Variants in AKAP19 observed in about 807,000 individuals in gnomAD.
The protein encoded by AKAP19 is small A-kinase anchoring protein.
the AKAP19 span, among the ~76,000 whole-genome samples, chr2:190,029,518 T>C: frequency 6.6e-6 from 1 of 152,234 alleles, no homozygotes; most frequent in Non-Finnish European, 1.5e-5. Flanking sequence ...ATGTTAATGA[T>C]ACATTGTTGA....
chr2:190,055,284 A>T, the AKAP19 span, among the ~76,000 whole-genome samples: 4 of 136,134 alleles, frequency 2.9e-5, no homozygotes. Context: ...AACAATGAGA[A>T]CACATGGACA....
chr2:189,953,505 A>C, the AKAP19 span, among the ~76,000 whole-genome samples: 2 of 151,836 alleles, frequency 1.3e-5, no homozygotes, highest in Non-Finnish European at 2.9e-5. Flanking sequence ...ATGGTGGTGC[A>C]TGCCTGTAAT....
At chr2:189,986,041 A>T in the AKAP19 span, among the ~76,000 whole-genome samples, 1 of 152,202 alleles carries the variant, frequency 6.6e-6, no homozygotes, top group Non-Finnish European at 1.5e-5. Flanking sequence ...AAAAAATTTG[A>T]GAGAGGCTAG....
chr2:190,110,363 T>C, the AKAP19 span, among the ~76,000 whole-genome samples: 1 of 152,202 alleles, frequency 6.6e-6, no homozygotes, highest in Non-Finnish European at 1.5e-5. Context: ...GTATTCAAAT[T>C]TTCACAGAGA....
chr2:189,928,256 T>C, the AKAP19 span, among the ~76,000 whole-genome samples: 1 of 152,144 alleles, frequency 6.6e-6, no homozygotes, highest in Non-Finnish European at 1.5e-5. Flanking sequence ...GTGAATCATA[T>C]TTGAAGGCCC....
chr2:190,198,322 A>G, the AKAP19 span, among the ~76,000 whole-genome samples: 429 of 152,246 alleles, frequency 2.8e-3, 5 homozygotes, highest in Non-Finnish European at 9.4e-4. Flanking sequence ...AATGAATTAG[A>G]TGCACGCAAG....
the AKAP19 span, among the ~76,000 whole-genome samples, chr2:189,984,732 G>A: frequency 6.6e-6 from 1 of 152,166 alleles, no homozygotes; most frequent in Non-Finnish European, 1.5e-5. Context: ...AATTACAAAA[G>A]TATTAATTTG....
chr2:190,086,084 A>G, the AKAP19 span, among the ~76,000 whole-genome samples: 1 of 152,232 alleles, frequency 6.6e-6, no homozygotes, highest in Non-Finnish European at 1.5e-5. Context: ...GAATCCAACT[A>G]CAAATCCTTC....
chr2:190,200,105 T>C, the AKAP19 span: 4 of 1,614,032 alleles, frequency 2.5e-6, no homozygotes, highest in Non-Finnish European at 3.4e-6. Flanking sequence ...TGCAATAACA[T>C]CAAGTACCAT....
the AKAP19 span, among the ~76,000 whole-genome samples, chr2:190,046,290 T>TA: frequency 8.5e-5 from 13 of 152,306 alleles, no homozygotes; most frequent in East Asian, 1.4e-3. Flanking sequence ...GTTTTTTTTT[T>TA]ACCTATAAAA....
chr2:189,983,531 A>T, the AKAP19 span, among the ~76,000 whole-genome samples: 4 of 152,222 alleles, frequency 2.6e-5, no homozygotes, highest in African/African-American at 9.6e-5. Context: ...TATCTGCAAC[A>T]ATATGCAAGG....
the AKAP19 span, chr2:190,095,709 G>A: frequency 6.6e-6 from 1 of 152,176 alleles, no homozygotes; most frequent in Non-Finnish European, 1.5e-5. Context: ...GGGAACTCAG[G>A]ATTCAATCAG....
chr2:189,883,507 G>GTTTTTTTTTTT, the AKAP19 span, among the ~76,000 whole-genome samples: 1 of 123,776 alleles, frequency 8.1e-6, no homozygotes, highest in African/African-American at 2.8e-5. Flanking sequence ...GTTTCTTCCT[G>GTTTTTTTTTTT]TTTTTTTTTT....
At chr2:190,056,579 C>A in the AKAP19 span, 1 of 152,522 alleles carries the variant, frequency 6.6e-6, no homozygotes, top group African/African-American at 2.4e-5. Context: ...AAATCCATTC[C>A]TCATTTGGAG....
At chr2:189,942,595 A>G in the AKAP19 span, among the ~76,000 whole-genome samples, 1 of 152,210 alleles carries the variant, frequency 6.6e-6, no homozygotes, top group African/African-American at 2.4e-5. Flanking sequence ...AGGGCTCAGA[A>G]GAAGACAGGA....
the AKAP19 span, among the ~76,000 whole-genome samples, chr2:190,111,468 C>T: frequency 3.9e-5 from 6 of 152,258 alleles, no homozygotes; most frequent in African/African-American, 1.4e-4. Flanking sequence ...TATGATATTA[C>T]ACTGTAAAGG....
the AKAP19 span, among the ~76,000 whole-genome samples, chr2:190,018,172 A>C: frequency 6.6e-6 from 1 of 152,072 alleles, no homozygotes; most frequent in African/African-American, 2.4e-5. Flanking sequence ...GGCTTCCCAT[A>C]CCTCAATATT....
chr2:189,973,394 T>C, the AKAP19 span, among the ~76,000 whole-genome samples: 7 of 152,314 alleles, frequency 4.6e-5, no homozygotes, highest in South Asian at 1.5e-3. Context: ...GCCAGTATTT[T>C]ATTGAGGATT....
chr2:189,889,536 C>A, the AKAP19 span, among the ~76,000 whole-genome samples: 1 of 152,242 alleles, frequency 6.6e-6, no homozygotes, highest in East Asian at 1.9e-4. Flanking sequence ...TGGTAGAATT[C>A]GGCTGTGAAT....
Sources: allele counts gnomAD v4.1 joint callset (sites outside exome capture counted in the v4.1 genomes callset), GRCh38; gene constraint gnomAD v4.1.1; transcripts MANE v1.5; gene names NCBI Gene and HGNC (gene_info 2026-07-23, HGNC 2026-07-21).